RCHY1: variants seen among roughly 807,000 people sequenced by gnomAD.
RCHY1 encodes ring finger and CHY zinc finger domain containing 1, also known as RING finger and CHY zinc finger domain-containing protein 1.
A neutral mutation model predicts 41.6 loss-of-function variants in RCHY1; 21 were observed. That is an observed-to-expected ratio of 0.51 (90% CI 0.36 to 0.73). The LOEUF (loss-of-function observed/expected upper bound fraction) is 0.73, where lower values mean the gene tolerates loss of function less well. RCHY1 is among the 30% of genes least tolerant of loss of function. RCHY1 has a pLI of 0.00. For synonymous variants in RCHY1, 79 were observed against 102.9 expected (o/e 0.77, Z 1.41); for missense variants, 265 against 325.3 (o/e 0.81, Z 1.43).
At chr4:75,509,563 A>G (rs1560531793) in intron 1 of RCHY1, 1 of 328,434 alleles carries the variant, frequency 3.0e-6, no homozygotes, top group Non-Finnish European at 5.7e-6. Flanking sequence ...CTAGATTGAA[A>G]CACTAATCCC....
At chr4:75,487,186 G>C (rs915838960) in intron 8 of RCHY1, among the ~76,000 whole-genome samples, 6 of 151,940 alleles carry the variant, frequency 3.9e-5, no homozygotes, top group Non-Finnish European at 8.8e-5. Flanking sequence ...ATTCGCTTTA[G>C]TCCTAACAAT....
At position 75,479,038 on chromosome 4, in the gene RCHY1, T is replaced by C. The variant is rs1721319140; in HGVS notation, c.*3500A>G. On this transcript the variant is annotated 3_prime_UTR_variant, in exon 9 of 9. Coordinates refer to ENST00000324439, the MANE Select transcript of RCHY1 (RefSeq NM_015436.4). The stretch of plus-strand genomic sequence containing the variant: ...TGATCAAAGGGTACAAAATATCAGT[T>C]AGACAAGAGGAATAAACTTTACTGA... 1.3e-5 allele frequency: 2 copies of C among 152,094 alleles called. No individual in the cohort carries two copies. Among genetic ancestry groups the C allele is most frequent in the African/African-American group, 2.4e-5 (1 of 41,436 alleles). 9.4% of individuals were successfully genotyped at this position (152,094 alleles called of 1,614,324 possible).
chr4:75,502,177 T>G (rs1723837517), intron 3 of RCHY1, among the ~76,000 whole-genome samples: 1 of 152,040 alleles, frequency 6.6e-6, no homozygotes, highest in Non-Finnish European at 1.5e-5. Context: ...TGTACCCAGG[T>G]CTAGTTCTTT....
intron 8 of RCHY1, among the ~76,000 whole-genome samples, chr4:75,488,847 C>A (rs1472574480): frequency 6.6e-6 from 1 of 151,988 alleles, no homozygotes; most frequent in Non-Finnish European, 1.5e-5. Flanking sequence ...GAGACCGAGG[C>A]GGGTGGATCA....
rs909909553 is a variant in RCHY1 at position 75,507,514 on chromosome 4, T to C, written c.326+1306A>G. Among the ~76,000 whole-genome samples the C allele has an allele frequency of 2.6e-5, 4 of 152,008 alleles. No homozygotes were observed. In the East Asian group the frequency reaches 5.8e-4, roughly 22 times the overall value. The stretch of plus-strand genomic sequence containing the variant: ...CACGAACATATCCTAACTACCTTAA[T>C]AAAAAACGAACTATATACTCCAATT... On this transcript the variant is annotated intron_variant, in intron 3 of 8. Transcript: ENST00000324439.
chr4:75,504,601 T>C (rs1433151908), intron 3 of RCHY1, among the ~76,000 whole-genome samples: 1 of 152,236 alleles, frequency 6.6e-6, no homozygotes, highest in African/African-American at 2.4e-5. Flanking sequence ...AGTAGTTAAG[T>C]TGTGGGGAGT....
At chr4:75,483,194 TACAATA>T (rs1194882446) in intron 8 of RCHY1, among the ~76,000 whole-genome samples, 4 of 152,186 alleles carry the variant, frequency 2.6e-5, no homozygotes, top group African/African-American at 7.2e-5. Context: ...CGCTCATCCC[TACAATA>T]ACAATAAGAT....
chr4:75,487,667 C>CAT (rs369006663), intron 8 of RCHY1, among the ~76,000 whole-genome samples: 2,371 of 37,694 alleles, frequency 0.063, 569 homozygotes, highest in Non-Finnish European at 0.077. Context: ...TATATATATT[C>CAT]ATATATATTC....
At chr4:75,510,109 C>T (rs924637461) in intron 1 of RCHY1, among the ~76,000 whole-genome samples, 21 of 152,148 alleles carry the variant, frequency 1.4e-4, no homozygotes, top group Non-Finnish European at 2.4e-4. Context: ...ATGTAAGAGA[C>T]AGCCCTTGTT....
chr4:75,490,798 C>A, intron 7 of RCHY1, 97 bp from the exon 8 acceptor site: 2 of 829,406 alleles, frequency 2.4e-6, no homozygotes, highest in Non-Finnish European at 3.6e-6. Context: ...ATGAACCATT[C>A]AAAACAGGCA....
upstream of RCHY1, chr4:75,514,555 C>T (rs1725377328): frequency 2.8e-6 from 1 of 354,052 alleles, no homozygotes; most frequent in Non-Finnish European, 5.2e-6. Context: ...TTCCCCCAAT[C>T]GCTACCCGCC....
At chr4:75,498,396 AAAGG>A (rs1197401998) in intron 3 of RCHY1, among the ~76,000 whole-genome samples, 2 of 151,578 alleles carry the variant, frequency 1.3e-5, no homozygotes, top group Non-Finnish European at 2.9e-5. Context: ...ACATTTAAAG[AAAGG>A]AAGGAAGGAA....
chr4:75,510,212 T>C (rs1447703559), intron 1 of RCHY1, among the ~76,000 whole-genome samples: 1 of 152,198 alleles, frequency 6.6e-6, no homozygotes, highest in East Asian at 1.9e-4. Context: ...GATGGCCACA[T>C]GCCCTAAAAC....
chr4:75,487,867 A>ATATATATTCATAATATATATATTCAT (rs1553917724), intron 8 of RCHY1, among the ~76,000 whole-genome samples: 1 of 70,830 alleles, frequency 1.4e-5, no homozygotes, highest in Non-Finnish European at 3.3e-5. Context: ...ATATATTCAT[A>ATATATATTCATAATATATATATTCAT]ATATATATTC....
chr4:75,487,852 A>AATATATATTC (rs1722369583), intron 8 of RCHY1, among the ~76,000 whole-genome samples: 1 of 84,080 alleles, frequency 1.2e-5, no homozygotes, highest in East Asian at 3.3e-4. Flanking sequence ...ATATATTCAT[A>AATATATATTC]ATATATATAT....
At chr4:75,513,970 C>G (rs982870926) in intron 1 of RCHY1, 3 of 546,574 alleles carry the variant, frequency 5.5e-6, no homozygotes, top group Non-Finnish European at 9.2e-6. Context: ...CAAGCCTAAT[C>G]ACTTCCCAAG....
Position 75,494,142 on chromosome 4 carries a change from A to G in RCHY1, c.364T>C (p.Cys122Arg), listed in dbSNP as rs1357304742. 3.8e-6 allele frequency: 6 copies of G among 1,566,116 alleles called. No homozygotes were observed. The highest frequency in any genetic ancestry group is 5.2e-6 in the Non-Finnish European group (6 of 1,162,794). Reference protein sequence around the residue: ...PKEDFFHCLKCNLCLAMNLQG... With the variant: ...PKEDFFHCLKRNLCLAMNLQG... Reference sequence around the variant, plus strand: ...AGATTCATAGCTAGGCATAAGTTACATTTCAAACAATGGAAAAAATCTTCC... The same window carrying G: ...AGATTCATAGCTAGGCATAAGTTACGTTTCAAACAATGGAAAAAATCTTCC... The change falls in exon 4 of 9, where the codon TGT becomes CGT. Residue 122 changes from cysteine to arginine, a missense_variant. Physicochemically the swap from Cys to Arg is radical, Grantham distance 180 (BLOSUM62 -3). Coordinates refer to ENST00000324439, the MANE Select transcript of RCHY1 (RefSeq NM_015436.4).
chr4:75,508,657 G>A (rs1482654006), intron 3 of RCHY1, among the ~76,000 whole-genome samples, 163 bp downstream of exon 3: 1 of 152,068 alleles, frequency 6.6e-6, no homozygotes, highest in Non-Finnish European at 1.5e-5. Flanking sequence ...TGATTGTGCT[G>A]ATAGTAAAAG....
chr4:75,511,165 G>C (rs1356094357), intron 1 of RCHY1, among the ~76,000 whole-genome samples: 1 of 152,042 alleles, frequency 6.6e-6, no homozygotes, highest in Admixed American at 6.5e-5. Context: ...TGGTCATCTG[G>C]AGAATACCAG....
Sources: gnomAD v4.1 joint callset for allele counts (sites outside exome capture counted in the v4.1 genomes callset) on GRCh38, gnomAD v4.1.1 for gene constraint, MANE v1.5 for transcripts, NCBI Gene and HGNC (gene_info 2026-07-23, HGNC 2026-07-21) for gene names.